Variants in ABCB10 observed in about 807,000 individuals in gnomAD.
ABCB10 encodes ATP-binding cassette sub-family B member 10, mitochondrial.
A neutral mutation model predicts 65.4 loss-of-function variants in ABCB10; 54 were observed. The observed-to-expected ratio is 0.83, with a 90% CI of 0.66 to 1.04. ABCB10 has a LOEUF of 1.04. Ranked by LOEUF, ABCB10 falls within the 50% of genes least tolerant of loss-of-function variation. ABCB10 has a pLI of 0.00. For missense variants in ABCB10, 846 were observed against 976.6 expected (o/e 0.87, Z 1.78); for synonymous variants, 418 against 406.5 (o/e 1.03, Z -0.34).
intron 2 of ABCB10, among the ~76,000 whole-genome samples, chr1:229,548,787 T>C (rs1663029243): frequency 6.6e-6 from 1 of 151,626 alleles, no homozygotes; most frequent in South Asian, 2.1e-4. Context: ...CTCAGCCTCC[T>C]GAGTAGCTGA....
At chr1:229,518,457 C>A (rs1179931959) in intron 12 of ABCB10, 47 bp from the exon 13 acceptor site, 11 of 1,491,116 alleles carry the variant, frequency 7.4e-6, no homozygotes, top group Non-Finnish European at 1.0e-5. Context: ...TCAGTGACAC[C>A]CATGTGCTTC....
intron 1 of ABCB10, among the ~76,000 whole-genome samples, chr1:229,556,804 C>T (rs981872339): frequency 3.3e-5 from 5 of 152,220 alleles, no homozygotes; most frequent in African/African-American, 7.2e-5. Flanking sequence ...AGGCCTCACT[C>T]TGTGCCTGGT....
rs145176494 is a variant in ABCB10 at position 229,552,365 on chromosome 1, C to A, written c.518-2931G>T. The stretch of plus-strand genomic sequence containing the variant: ...CTGAGCATACTGCAATTCTGAAATT[C>A]TCCCACACCTTTTCTCCATAGTTAA... On this transcript the variant is annotated intron_variant, in intron 1 of 12. Coordinates refer to ENST00000344517, the MANE Select transcript of ABCB10 (RefSeq NM_012089.3). Among the ~76,000 whole-genome samples, 7 of 152,306 alleles carry A rather than the reference C, an allele frequency of 4.6e-5. No homozygotes were observed. In the East Asian group the frequency reaches 1.4e-3, roughly 29 times the overall value.
At position 229,526,159 on chromosome 1, in the gene ABCB10, T is replaced by G. The variant is rs113298661; in HGVS notation, c.1726-43A>C. On this transcript the variant is annotated intron_variant, in intron 9 of 12. Coordinates refer to ENST00000344517, the MANE Select transcript of ABCB10 (RefSeq NM_012089.3). ...AACATATCACGAATTTCAAACAGAC[T>G]TAAAACATGTCTAATAAATTTAGAC... 11 of 1,561,862 alleles carry G rather than the reference T, an allele frequency of 7.0e-6. No homozygotes were observed. The African/African-American group carries it at 1.1e-4, about 15-fold the overall frequency.
Position 229,558,380 on chromosome 1 carries a change from C to G in ABCB10, c.273G>C (p.Gly91=). ...AGCTGCCGGGGCCGCGAGCCCACAG[C>G]CCCAGGAGCCGCGCGAGGCCCAGGA... ...RGVLGLARLL[G]LWARGPGSCR... Residue 91 remains glycine (G), a synonymous_variant, in exon 1 of 13, where the codon GGG becomes GGC. Coordinates refer to ENST00000344517, the MANE Select transcript of ABCB10 (RefSeq NM_012089.3). 8.0e-7 allele frequency: 1 copy of G among 1,242,774 alleles called. No individual in the cohort carries two copies. Among genetic ancestry groups the G allele is most frequent in the Non-Finnish European group, 1.0e-6 (1 of 984,874 alleles). The allele number at this position is 1,242,774 out of a possible 1,614,324, so 77.0% of individuals were successfully genotyped here.
chr1:229,554,801 C>A (rs1366489718), intron 1 of ABCB10, among the ~76,000 whole-genome samples: 1 of 152,136 alleles, frequency 6.6e-6, no homozygotes, highest in Non-Finnish European at 1.5e-5. Flanking sequence ...GGGCACTGTC[C>A]CTGCGGGATC....
chr1:229,544,960 G>A (rs1390479884), intron 3 of ABCB10, among the ~76,000 whole-genome samples: 3 of 152,164 alleles, frequency 2.0e-5, no homozygotes, highest in Non-Finnish European at 4.4e-5. Flanking sequence ...CATTTCTGTT[G>A]TTTCAGCCAA....
chr1:229,553,552 A>G (rs372715959), intron 1 of ABCB10, among the ~76,000 whole-genome samples: 9 of 152,154 alleles, frequency 5.9e-5, no homozygotes, highest in East Asian at 5.9e-4. Context: ...GTATAGGACT[A>G]CAGATATTTT....
intron 7 of ABCB10, among the ~76,000 whole-genome samples, chr1:229,531,271 C>T (rs904640123): frequency 2.0e-5 from 3 of 152,296 alleles, no homozygotes; most frequent in African/African-American, 7.2e-5. Flanking sequence ...TAGCCCTCCA[C>T]AGAGATGTCA....
At chr1:229,549,507 T>C (rs1663055664) in intron 1 of ABCB10, 73 bp from the exon 2 acceptor site, 1 of 1,412,520 alleles carries the variant, frequency 7.1e-7, no homozygotes, top group African/African-American at 1.4e-5. Flanking sequence ...CCAGGAGGCT[T>C]CCTTGCCAAA....
chr1:229,531,507 C>A, intron 7 of ABCB10, 129 bp downstream of exon 7: 1 of 903,032 alleles, frequency 1.1e-6, no homozygotes, highest in East Asian at 2.6e-5. Flanking sequence ...TCACCCGGCC[C>A]GCCATGCAGC....
chr1:229,529,398 C>T (rs112223695), intron 8 of ABCB10, among the ~76,000 whole-genome samples: 3,108 of 146,238 alleles, frequency 0.021, 41 homozygotes, highest in Non-Finnish European at 0.033. Context: ...TGGCCAGGCA[C>T]GGTGGCTCAC....
At chr1:229,551,330 C>T (rs565379911) in intron 1 of ABCB10, among the ~76,000 whole-genome samples, 3 of 152,278 alleles carry the variant, frequency 2.0e-5, no homozygotes, top group African/African-American at 4.8e-5. Flanking sequence ...TTTGTGTTCT[C>T]GAAGCTCCTA....
At chr1:229,552,113 C>CACTTTT (rs1302460080) in intron 1 of ABCB10, among the ~76,000 whole-genome samples, 1 of 152,232 alleles carries the variant, frequency 6.6e-6, no homozygotes, top group Admixed American at 6.5e-5. Context: ...TATCCCCCCA[C>CACTTTT]ACTTTTACTT....
chr1:229,547,830 G>T, intron 2 of ABCB10, 129 bp from the exon 3 acceptor site: 2 of 814,112 alleles, frequency 2.5e-6, no homozygotes, highest in Non-Finnish European at 4.1e-6. Context: ...CTCTGAGCGT[G>T]TCTGCTGCAC....
chr1:229,531,745 G>A lies in ABCB10; in HGVS notation c.1340-14C>T, dbSNP rs1225065642. 3 of 1,611,298 alleles carry A rather than the reference G, an allele frequency of 1.9e-6. No individual in the cohort carries two copies. The highest frequency in any genetic ancestry group is 1.3e-5 in the African/African-American group (1 of 74,850). ...AAGAGCTCAGACCTGAGGATGAGAA[G>A]CAGAATCCACACACATGTCCATCAC... On this transcript the variant is annotated splice_polypyrimidine_tract_variant and intron_variant, in intron 6 of 12. Coordinates refer to ENST00000344517, the MANE Select transcript of ABCB10 (RefSeq NM_012089.3).
intron 3 of ABCB10, among the ~76,000 whole-genome samples, chr1:229,544,253 T>TA: frequency 6.6e-6 from 1 of 151,542 alleles, no homozygotes; most frequent in Non-Finnish European, 1.5e-5. Context: ...ACTGTCTCTA[T>TA]AAAAAATACA....
intron 1 of ABCB10, among the ~76,000 whole-genome samples, chr1:229,551,810 C>A (rs1663124059): frequency 1.3e-5 from 2 of 152,226 alleles, no homozygotes; most frequent in Non-Finnish European, 2.9e-5. Context: ...AAAGAGTCAT[C>A]CTGGCAAATT....
intron 3 of ABCB10, among the ~76,000 whole-genome samples, chr1:229,546,699 T>C (rs1274506897): frequency 1.3e-5 from 2 of 151,858 alleles, no homozygotes; most frequent in Non-Finnish European, 2.9e-5. Context: ...AGAGAGACCC[T>C]GCCTCTACAA....
Sources: gnomAD v4.1 joint callset for allele counts (sites outside exome capture counted in the v4.1 genomes callset) on GRCh38, gnomAD v4.1.1 for gene constraint, MANE v1.5 for transcripts, NCBI Gene and HGNC (gene_info 2026-07-23, HGNC 2026-07-21) for gene names.